The following ESRRB variants were observed in gnomAD, a reference collection of about 807,000 sequenced individuals.
The protein encoded by ESRRB is estrogen related receptor beta.
A neutral mutation model predicts 46.0 loss-of-function variants in ESRRB; 16 were observed. The ratio of observed to expected loss-of-function variants is 0.35; its 90% CI spans 0.24 to 0.53. ESRRB has a LOEUF of 0.53. ESRRB is among the 20% of genes least tolerant of loss of function. The probability of loss-of-function intolerance (pLI) is 0.93; values close to 1 mark genes in which losing one functional copy is unlikely to be tolerated. For missense variants in ESRRB, 488 were observed against 607.4 expected (o/e 0.80, Z 2.07); for synonymous variants, 246 against 259.6 (o/e 0.95, Z 0.50).
chr14:76,400,150 T>C (rs1006416168), intron 1 of ESRRB, among the ~76,000 whole-genome samples: 1 of 152,200 alleles, frequency 6.6e-6, no homozygotes, highest in African/African-American at 2.4e-5. Flanking sequence ...CTGCTCCTGG[T>C]ACCTCATCTG....
chr14:76,462,824 A>G (rs767137853), intron 3 of ESRRB, among the ~76,000 whole-genome samples, 163 bp downstream of exon 3: 4 of 152,094 alleles, frequency 2.6e-5, no homozygotes, highest in Non-Finnish European at 5.9e-5. Context: ...CGGCGCCCGC[A>G]TGGCTCTCCT....
intron 1 of ESRRB, among the ~76,000 whole-genome samples, chr14:76,431,490 C>T (rs1887442297): frequency 6.6e-6 from 1 of 152,186 alleles, no homozygotes; most frequent in Admixed American, 6.5e-5. Context: ...CCAGCCAAGG[C>T]AGGAAGAGCC....
intron 1 of ESRRB, among the ~76,000 whole-genome samples, chr14:76,318,009 G>A (rs1248681501): frequency 1.3e-5 from 2 of 152,148 alleles, no homozygotes; most frequent in Non-Finnish European, 2.9e-5. Flanking sequence ...ACCTTCCCCT[G>A]TCTATAAGCA....
chr14:76,416,876 C>T lies in ESRRB; in HGVS notation c.51-22465C>T, dbSNP rs181632298. Among the ~76,000 whole-genome samples the T allele has an allele frequency of 1.8e-3, 277 of 152,218 alleles. 2 individuals carry two copies. Among genetic ancestry groups the T allele is most frequent in the African/African-American group, 6.1e-3 (252 of 41,546 alleles). Reference sequence around the variant, plus strand: ...AAGACCCTGCCTTCAGGGAACTTAACCTTAGGTGGACAGATGATAAACGGA... The same window carrying T: ...AAGACCCTGCCTTCAGGGAACTTAATCTTAGGTGGACAGATGATAAACGGA... On this transcript the variant is annotated intron_variant, in intron 1 of 6. Transcript: ENST00000644823.
intron 1 of ESRRB, among the ~76,000 whole-genome samples, chr14:76,332,073 A>G (rs1884020120): frequency 6.6e-6 from 1 of 151,902 alleles, no homozygotes; most frequent in African/African-American, 2.4e-5. Flanking sequence ...ATATTTATGA[A>G]GCATTTATTA....
At position 76,381,637 on chromosome 14, in the gene ESRRB, T is replaced by C. The variant is rs552616007; in HGVS notation, c.50+5186T>C. 1.1e-4 allele frequency among the ~76,000 whole-genome samples: 16 copies of C among 152,278 alleles called. No homozygotes were observed. In the South Asian group the frequency reaches 3.3e-3, roughly 32 times the overall value. ...AGTTCTGTGGCTCTAAAGGGACTCA[T>C]TGTGACTTCCATCTGGTGCTCCTGG... is the stretch of plus-strand genomic sequence containing the variant. On this transcript the variant is annotated intron_variant, in intron 1 of 6. Coordinates refer to ENST00000644823, the MANE Select transcript of ESRRB (RefSeq NM_001379180.1).
chr14:76,498,977 G>A lies in ESRRB; in HGVS notation c.*519G>A, dbSNP rs115169766. ...ACCTGCTCTGAGATCCTCTGGGGCC[G>A]GTCAAGAGGCCCCATACCTTCCACA... On this transcript the variant is annotated 3_prime_UTR_variant, in exon 7 of 7. Coordinates refer to ENST00000644823, the MANE Select transcript of ESRRB (RefSeq NM_001379180.1). The A allele has an allele frequency of 0.015, 6,128 of 411,036 alleles. 63 individuals carry two copies. The highest frequency in any genetic ancestry group is 0.037 in the East Asian group (603 of 16,126). 25.5% of individuals were successfully genotyped at this position (411,036 alleles called of 1,614,324 possible). A position where few individuals can be genotyped will look rare whatever the true frequency, so the allele number is the denominator to read the frequency against.
In ESRRB at chr14:76,407,655, A is replaced by T. The variant is rs8008202; in HGVS notation, c.50+31204A>T. ...ATGGCCGATTCACACTCAGTCCAAA[A>T]CCCTCGTGGCTGAGCATTGATGCAG... On this transcript the variant is annotated intron_variant, in intron 1 of 6. Transcript: ENST00000644823. 3.7e-3 allele frequency: 3,361 copies of T among 905,852 alleles called. 93 individuals carry two copies. In the African/African-American group the frequency reaches 0.057, roughly 15 times the overall value. The allele number at this position is 905,852 out of a possible 1,614,324, so 56.1% of individuals were successfully genotyped here.
intron 1 of ESRRB, among the ~76,000 whole-genome samples, chr14:76,355,752 C>T (rs1884371579): frequency 6.6e-6 from 1 of 152,144 alleles, no homozygotes; most frequent in South Asian, 2.1e-4. Context: ...CATCAGAGCA[C>T]CCAGCACAGG....
At chr14:76,447,049 T>G (rs1888176134) in intron 2 of ESRRB, among the ~76,000 whole-genome samples, 1 of 152,182 alleles carries the variant, frequency 6.6e-6, no homozygotes, top group Non-Finnish European at 1.5e-5. Flanking sequence ...CGATGCACTC[T>G]CTTCCATGTT....
At chr14:76,372,198 G>C (rs1884642252), upstream of ESRRB, among the ~76,000 whole-genome samples, 1 of 152,180 alleles carries the variant, frequency 6.6e-6, no homozygotes, top group Admixed American at 6.5e-5. Context: ...GTGGGAACCT[G>C]TGTTTGTCTA....
intron 1 of ESRRB, among the ~76,000 whole-genome samples, chr14:76,315,615 G>A (rs1439566129): frequency 2.0e-5 from 3 of 152,192 alleles, no homozygotes; most frequent in Admixed American, 6.5e-5. Flanking sequence ...GGGCCCAATA[G>A]GTGTTGACAC....
At chr14:76,340,565 C>T (rs1037695320) in intron 1 of ESRRB, among the ~76,000 whole-genome samples, 5 of 152,156 alleles carry the variant, frequency 3.3e-5, no homozygotes, top group African/African-American at 1.2e-4. Flanking sequence ...TTGCTGTGGC[C>T]GGGAACTGAA....
At chr14:76,336,926 A>G (rs1455133673) in intron 1 of ESRRB, among the ~76,000 whole-genome samples, 4 of 152,180 alleles carry the variant, frequency 2.6e-5, no homozygotes, top group African/African-American at 9.7e-5. Context: ...CAAGTGCCGT[A>G]GAGAACTAGT....
rs187103858 is a variant in ESRRB, at chr14:76,477,292, G to A, written c.578-4724G>A. The stretch of plus-strand genomic sequence containing the variant: ...CTGTCCTCTAAGAACCCATCGAATC[G>A]AAGAGCTGATGGGTATAAAGGGAAA... On this transcript the variant is annotated intron_variant, in intron 3 of 6. Transcript: ENST00000644823. 2.6e-5 allele frequency among the ~76,000 whole-genome samples: 4 copies of A among 152,234 alleles called. No individual in the cohort carries two copies. In the East Asian group the frequency reaches 5.8e-4, roughly 22 times the overall value.
chr14:76,347,295 G>A (rs1254650690), intron 1 of ESRRB, among the ~76,000 whole-genome samples: 1 of 152,188 alleles, frequency 6.6e-6, no homozygotes, highest in Non-Finnish European at 1.5e-5. Flanking sequence ...TCTGGAGGCA[G>A]AGAGATGTGG....
chr14:76,324,212 G>A (rs764792483), intron 1 of ESRRB, among the ~76,000 whole-genome samples: 13 of 152,316 alleles, frequency 8.5e-5, no homozygotes, highest in Non-Finnish European at 7.4e-5. Context: ...CTATCCAGGA[G>A]CATAAATGAC....
intron 1 of ESRRB, among the ~76,000 whole-genome samples, chr14:76,413,860 A>G (rs1418030056): frequency 2.8e-4 from 4 of 14,262 alleles, no homozygotes; most frequent in East Asian, 1.6e-3. Flanking sequence ...CCCCTGCACC[A>G]TCCCCACCCC....
chr14:76,374,213 A>G (rs1179858208), upstream of ESRRB, among the ~76,000 whole-genome samples: 2 of 152,228 alleles, frequency 1.3e-5, no homozygotes, highest in African/African-American at 4.8e-5. Context: ...TCTCTGGTGA[A>G]CAAAAAGAGA....
Sources: allele counts gnomAD v4.1 joint callset (sites outside exome capture counted in the v4.1 genomes callset), GRCh38; gene constraint gnomAD v4.1.1; transcripts MANE v1.5; gene names NCBI Gene and HGNC (gene_info 2026-07-23, HGNC 2026-07-21).